Variants in DPYSL2 observed in about 807,000 individuals in gnomAD.
DPYSL2 encodes dihydropyrimidinase like 2, also known as dihydropyrimidinase-related protein 2.
A neutral mutation model predicts 69.9 loss-of-function variants in DPYSL2; 13 were observed. That is an observed-to-expected ratio of 0.19 (90% CI 0.12 to 0.30). DPYSL2 has a LOEUF of 0.30. Ranked by LOEUF, DPYSL2 falls within the 10% of genes least tolerant of loss-of-function variation. DPYSL2 has a pLI of 1.00. For missense variants in DPYSL2, 587 were observed against 918.9 expected (o/e 0.64, Z 4.67); for synonymous variants, 326 against 359.1 (o/e 0.91, Z 1.04).
At chr8:26,572,761 G>T (rs1801260297) in intron 1 of DPYSL2, among the ~76,000 whole-genome samples, 1 of 152,122 alleles carries the variant, frequency 6.6e-6, no homozygotes, top group African/African-American at 2.4e-5. Context: ...CAGCCTCCCA[G>T]GTGTTGGGAT....
intron 1 of DPYSL2, among the ~76,000 whole-genome samples, chr8:26,534,240 G>T (rs754660656): frequency 3.9e-5 from 6 of 152,094 alleles, no homozygotes; most frequent in Non-Finnish European, 7.4e-5. Flanking sequence ...GATTGCAGTA[G>T]TGCCATCTTG....
rs1298593804 is a variant in DPYSL2 at position 26,593,978 on chromosome 8, C to T, written c.628+9995C>T. Among the ~76,000 whole-genome samples, 1 of 152,182 alleles carries T rather than the reference C, an allele frequency of 6.6e-6. No individual in the cohort carries two copies. The highest frequency in any genetic ancestry group is 1.5e-5 in the Non-Finnish European group (1 of 68,036). ...ATGGACTCTTAAGGCAGCCATTCAC[C>T]TCCTTCCCAGCCCCGCTCCCACAGC... On this transcript the variant is annotated intron_variant, in intron 3 of 13. Transcript: ENST00000521913. This position sits in a 1 kb window ranked among gnomAD's most constrained non-coding sequence, Gnocchi z 5.7.
chr8:26,540,559 T>A (rs1472170505), intron 1 of DPYSL2, among the ~76,000 whole-genome samples: 1 of 152,220 alleles, frequency 6.6e-6, no homozygotes, highest in South Asian at 2.1e-4. Flanking sequence ...CAAGTGCTCC[T>A]TAACAATGGA....
chr8:26,581,134 G>A (rs1383279054), intron 1 of DPYSL2, among the ~76,000 whole-genome samples: 1 of 152,058 alleles, frequency 6.6e-6, no homozygotes, highest in Non-Finnish European at 1.5e-5. Context: ...TGCTATACTT[G>A]CTGTGATTTA....
At chr8:26,646,190 T>A (rs1803160164) in intron 10 of DPYSL2, among the ~76,000 whole-genome samples, 1 of 123,794 alleles carries the variant, frequency 8.1e-6, no homozygotes, top group Non-Finnish European at 1.7e-5. Context: ...GGTTGAACAT[T>A]TATGTTGTTT....
intron 1 of DPYSL2, among the ~76,000 whole-genome samples, chr8:26,550,410 T>C (rs146935115): frequency 2.8e-3 from 431 of 152,104 alleles, no homozygotes; most frequent in African/African-American, 9.7e-3. Context: ...AAATATAAAA[T>C]AGTAACAAGC....
rs958500134 is a variant in DPYSL2 at position 26,656,022 on chromosome 8, G to A, written c.*316G>A. On this transcript the variant is annotated 3_prime_UTR_variant, in exon 14 of 14. Transcript: ENST00000521913. ...GCAGCCCCCAGCGAGGGTCTCCTTC[G>A]CCTTCAACCTCCTAGTGTCTGTTAG... 13 of 263,552 alleles carry A rather than the reference G, an allele frequency of 4.9e-5. No individual in the cohort carries two copies. The East Asian group carries it at 7.9e-4, about 16-fold the overall frequency. The allele number at this position is 263,552 out of a possible 1,614,324, so 16.3% of individuals were successfully genotyped here. A position where few individuals can be genotyped will look rare whatever the true frequency, so the allele number is the denominator to read the frequency against.
At chr8:26,655,482 C>G in intron 13 of DPYSL2, 133 bp from the exon 14 acceptor site, 1 of 739,294 alleles carries the variant, frequency 1.4e-6, no homozygotes, top group Non-Finnish European at 2.1e-6. Context: ...GAAAACAGAG[C>G]AAGACGCTGT....
rs955785735 is a variant in DPYSL2 at position 26,591,547 on chromosome 8, C to A, written c.628+7564C>A. On this transcript the variant is annotated intron_variant, in intron 3 of 13. Transcript: ENST00000521913. This position sits in a 1 kb window ranked among gnomAD's most constrained non-coding sequence, Gnocchi z 5.8. ...TGTGGGGGCAGCCAGAGAAGCTGCC[C>A]AATGAGTCTGATGGGAGCCAGACCC... Among the ~76,000 whole-genome samples the A allele has an allele frequency of 6.6e-6, 1 of 152,204 alleles. No individual in the cohort carries two copies. Among genetic ancestry groups the A allele is most frequent in the Non-Finnish European group, 1.5e-5 (1 of 68,030 alleles).
chr8:26,544,630 C>T (rs756698508), intron 1 of DPYSL2, among the ~76,000 whole-genome samples: 1 of 152,194 alleles, frequency 6.6e-6, no homozygotes, highest in Non-Finnish European at 1.5e-5. Context: ...CTTCCAGTTC[C>T]TCTCCACCGC....
chr8:26,523,655 C>CT (rs370588739), intron 1 of DPYSL2, among the ~76,000 whole-genome samples: 11 of 151,514 alleles, frequency 7.3e-5, no homozygotes, highest in Non-Finnish European at 1.0e-4. Context: ...AATTTCCTTA[C>CT]TTTTTTTTTC....
At position 26,517,188 on chromosome 8, in the gene DPYSL2, C is replaced by A. The variant is rs1169255022; in HGVS notation, c.354+2509C>A. Among the ~76,000 whole-genome samples the A allele has an allele frequency of 2.7e-5, 4 of 149,494 alleles. No individual in the cohort carries two copies. The highest frequency in any genetic ancestry group is 6.0e-5 in the Non-Finnish European group (4 of 66,488). ...GATGTGGCTTTGCTCATCTGTTGCACTAAGAGGCCTGCTGTTCCCCTAACA... is the reference window on the plus strand; with the variant it reads ...GATGTGGCTTTGCTCATCTGTTGCAATAAGAGGCCTGCTGTTCCCCTAACA... On this transcript the variant is annotated intron_variant, in intron 1 of 13. Coordinates refer to ENST00000521913, the MANE Select transcript of DPYSL2 (RefSeq NM_001197293.3). This position sits in a 1 kb window ranked among gnomAD's most constrained non-coding sequence, Gnocchi z 4.2.
intron 3 of DPYSL2, among the ~76,000 whole-genome samples, chr8:26,592,777 G>A (rs541288864): frequency 7.2e-5 from 11 of 152,216 alleles, no homozygotes; most frequent in South Asian, 2.1e-4. Context: ...GTGCCCGGCC[G>A]GTACATTAGT....
At position 26,593,086 on chromosome 8, in the gene DPYSL2, A is replaced by G. The variant is rs1156238881; in HGVS notation, c.628+9103A>G. Among the ~76,000 whole-genome samples the G allele has an allele frequency of 6.6e-6, 1 of 152,166 alleles. No homozygotes were observed. Among genetic ancestry groups the G allele is most frequent in the Non-Finnish European group, 1.5e-5 (1 of 68,026 alleles). The stretch of plus-strand genomic sequence containing the variant: ...GGGAGTGACAGTGAGTAGAAATTAG[A>G]GTTCTTTCTGGTTAACCCATTTGGG... On this transcript the variant is annotated intron_variant, in intron 3 of 13. Transcript: ENST00000521913. The surrounding 1 kb of genome is among the most constrained non-coding windows in gnomAD (Gnocchi z 5.7).
intron 1 of DPYSL2, among the ~76,000 whole-genome samples, chr8:26,520,842 C>G (rs918409281): frequency 6.6e-6 from 1 of 152,046 alleles, no homozygotes; most frequent in Non-Finnish European, 1.5e-5. Context: ...GAGGACCCAC[C>G]TTATGGTTTC....
chr8:26,564,543 C>T lies in DPYSL2; in HGVS notation c.355-17426C>T, dbSNP rs1003052553. Among the ~76,000 whole-genome samples the T allele has an allele frequency of 2.0e-5, 3 of 152,154 alleles. No homozygotes were observed. The highest frequency in any genetic ancestry group is 7.2e-5 in the African/African-American group (3 of 41,442). ...GGAGAAAAGAGGGGTGTGTGTGATG[C>T]TCTGCTACAAATCCTTATTCCATTT... On this transcript the variant is annotated intron_variant, in intron 1 of 13. Transcript: ENST00000521913. The surrounding 1 kb of genome is among the most constrained non-coding windows in gnomAD (Gnocchi z 4.8).
intron 3 of DPYSL2, among the ~76,000 whole-genome samples, chr8:26,599,173 G>T (rs543861508): frequency 2.6e-5 from 4 of 152,194 alleles, no homozygotes; most frequent in Admixed American, 2.6e-4. Context: ...CCACTCTGCG[G>T]TATTTCCTGG....
intron 3 of DPYSL2, among the ~76,000 whole-genome samples, chr8:26,616,361 C>G (rs1388020498): frequency 6.6e-6 from 1 of 152,190 alleles, no homozygotes; most frequent in Non-Finnish European, 1.5e-5. Context: ...TTGATGAGGT[C>G]ACCTGGCATT....
rs1353489227 is a variant in DPYSL2, at chr8:26,533,851, T to G, written c.354+19172T>G. ...GTGCTGCTGCGGTGGCAGGGACTGA[T>G]GGGGGAACCCAGTGACAGCCTAGTG... On this transcript the variant is annotated intron_variant, in intron 1 of 13. Coordinates refer to ENST00000521913, the MANE Select transcript of DPYSL2 (RefSeq NM_001197293.3). The surrounding 1 kb of genome is among the most constrained non-coding windows in gnomAD (Gnocchi z 4.8). Among the ~76,000 whole-genome samples, 1 of 152,214 alleles carries G rather than the reference T, an allele frequency of 6.6e-6. No homozygotes were observed. The highest frequency in any genetic ancestry group is 1.5e-5 in the Non-Finnish European group (1 of 68,040).
Sources: gnomAD v4.1 joint callset for allele counts (sites outside exome capture counted in the v4.1 genomes callset) on GRCh38, gnomAD v4.1.1 for gene constraint, Gnocchi (gnomAD v3.1) non-coding constraint, MANE v1.5 for transcripts, NCBI Gene and HGNC (gene_info 2026-07-23, HGNC 2026-07-21) for gene names.